The following OTOG variants were observed in gnomAD, a reference collection of about 807,000 sequenced individuals.
The protein encoded by OTOG is otogelin.
Under a neutral mutation model 313.8 loss-of-function variants are expected in OTOG, and 296 were observed. That is an observed-to-expected ratio of 0.94 (90% CI 0.86 to 1.04). The LOEUF (loss-of-function observed/expected upper bound fraction) is 1.04. OTOG is among the 50% of genes least tolerant of loss of function. The pLI is 0.00. For synonymous variants in OTOG, 1,533 were observed against 1,554.9 expected, an observed-to-expected ratio of 0.99 and a Z score of 0.33; for missense variants, 3,948 against 3,840.1, an observed-to-expected ratio of 1.03 and a Z score of -0.74.
rs1287477725 is a variant in OTOG, at chr11:17,612,189, C to T, written c.6151C>T (p.His2051Tyr). Residue 2051 changes from histidine (H) to tyrosine (Y), a missense_variant, in exon 37 of 56, where the codon CAC (histidine) becomes TAC (tyrosine). By Grantham distance (83) the His-to-Tyr change is moderately conservative (BLOSUM62 2). Coordinates refer to ENST00000399397, the MANE Select transcript of OTOG (RefSeq NM_001292063.2). ...VPIAEQDCVR[H>Y]ICLEGQLIRV... ...AATCGCCGAGCAGGACTGCGTCCGC[C>T]ACATCTGCCTGGAGGGCCAGCTGAT... is the stretch of plus-strand genomic sequence containing the variant. 2 of 1,550,004 alleles carry T rather than the reference C, an allele frequency of 1.3e-6. No homozygotes were observed. The highest frequency in any genetic ancestry group is 1.7e-6 in the Non-Finnish European group (2 of 1,146,990).
At position 17,559,115 on chromosome 11, in the gene OTOG, G is replaced by T. The variant is rs1269464578; in HGVS notation, c.1167G>T (p.Gln389His). ...CGGAGTATGCCCGGGCGTGTGCCCA[G>T]GCAGGGCGGCCCTTGCAAGGCTGGA... is the stretch of plus-strand genomic sequence containing the variant. ...ALAEYARACA[Q>H]AGRPLQGWRT... The change falls in exon 11 of 56, where the codon CAG becomes CAT. Residue 389 changes from glutamine to histidine, a missense_variant. Transcript: ENST00000399397. 2 of 1,543,912 alleles carry T rather than the reference G, an allele frequency of 1.3e-6. No homozygotes were observed. The highest frequency in any genetic ancestry group is 1.7e-6 in the Non-Finnish European group (2 of 1,146,958).
At chr11:17,605,153 G>A (rs991870017) in intron 32 of OTOG, among the ~76,000 whole-genome samples, 1 of 152,256 alleles carries the variant, frequency 6.6e-6, no homozygotes, top group Non-Finnish European at 1.5e-5. Context: ...GTGCCTGCTT[G>A]TGGATTTGGG....
rs866097502 is a variant in OTOG at position 17,611,244 on chromosome 11, C to A, written c.5944C>A (p.Leu1982Met). ...GGCCCCCCAAGACAGCATGCTGGTT[C>A]TGTTGCCTCAGCTGGCTGAGGCCCA... ...RTAPQDSMLV[L>M]LPQLAEAHGT... Residue 1982 changes from leucine to methionine, a missense_variant, in exon 36 of 56, where the codon CTG becomes ATG. By Grantham distance (15) the Leu-to-Met change is conservative. Transcript: ENST00000399397. 5.2e-6 allele frequency: 8 copies of A among 1,550,476 alleles called. No individual in the cohort carries two copies. In the African/African-American group the frequency reaches 1.1e-4, roughly 21 times the overall value.
intron 20 of OTOG, 21 bp from the exon 21 acceptor site, chr11:17,576,535 T>C: frequency 6.5e-7 from 1 of 1,545,192 alleles, no homozygotes; most frequent in African/African-American, 1.4e-5. Context: ...CTCACCTTTC[T>C]TTGCTCCCAT....
At chr11:17,558,980 G>A (rs1205712952) in intron 10 of OTOG, 72 bp from the exon 11 acceptor site, 8 of 1,223,272 alleles carry the variant, frequency 6.5e-6, no homozygotes, top group Non-Finnish European at 9.4e-6. Context: ...CCCTGGCAGT[G>A]TCTATGGGAT....
At chr11:17,631,639 G>A in intron 40 of OTOG, 63 bp from the exon 41 acceptor site, 1 of 1,333,272 alleles carries the variant, frequency 7.5e-7, no homozygotes. Flanking sequence ...CAAAAAGTGA[G>A]AGCTGACGAC....
At chr11:17,592,116 G>A (rs944766903) in intron 25 of OTOG, among the ~76,000 whole-genome samples, 3 of 152,082 alleles carry the variant, frequency 2.0e-5, no homozygotes, top group African/African-American at 4.8e-5. Context: ...TATAATTTTC[G>A]GCTCACCTGG....
At chr11:17,637,298 C>T (rs10832821) in intron 47 of OTOG, among the ~76,000 whole-genome samples, 20,418 of 152,100 alleles carry the variant, frequency 0.13, 1,526 homozygotes, top group Non-Finnish European at 0.18. Flanking sequence ...TTCAACTCAT[C>T]TCATGCCCAG....
chr11:17,631,959 C>CAAAG (rs1177401505), intron 41 of OTOG, 37 bp downstream of exon 41: 1 of 1,545,252 alleles, frequency 6.5e-7, no homozygotes. Context: ...GGGACACCTC[C>CAAAG]TGGGCTGGCT....
intron 19 of OTOG, 23 bp downstream of exon 19, chr11:17,573,313 G>T: frequency 6.7e-7 from 1 of 1,501,938 alleles, no homozygotes; most frequent in Non-Finnish European, 8.9e-7. Flanking sequence ...CCCATGTGAG[G>T]CTGAGCTGGA....
Position 17,642,203 on chromosome 11 carries a change from C to T in OTOG, c.8372C>T (p.Ser2791Phe), listed in dbSNP as rs1377828040. The T allele has an allele frequency of 1.3e-6, 2 of 1,550,134 alleles. No individual in the cohort carries two copies. The highest frequency in any genetic ancestry group is 1.2e-5 in the South Asian group (1 of 84,020). The stretch of plus-strand genomic sequence containing the variant: ...CCCCTGGGTGCCGTGCTGGTCCGCT[C>T]TCCCATAAGCTGCCCACCGCTCAAT... ...STPLGAVLVR[S>F]PISCPPLNET... is the part of the protein sequence containing the mutation. Residue 2791 changes from serine (S) to phenylalanine (F), a missense_variant, in exon 53 of 56, where the codon TCT becomes TTT. By Grantham distance (155) the Ser-to-Phe change is radical. Coordinates refer to ENST00000399397, the MANE Select transcript of OTOG (RefSeq NM_001292063.2).
chr11:17,595,907 G>A, intron 28 of OTOG, 131 bp from the exon 29 acceptor site: 1 of 682,722 alleles, frequency 1.5e-6, no homozygotes, highest in East Asian at 2.7e-5. Flanking sequence ...ACACTCAAGG[G>A]GAGGAGATTT....
intron 49 of OTOG, among the ~76,000 whole-genome samples, chr11:17,639,810 A>G (rs1177354904): frequency 6.6e-6 from 1 of 151,144 alleles, no homozygotes; most frequent in African/African-American, 2.4e-5. Context: ...TAATAATGCA[A>G]TGATGGTGGT....
intron 23 of OTOG, among the ~76,000 whole-genome samples, chr11:17,584,481 A>G (rs1852747516): frequency 6.6e-6 from 1 of 151,480 alleles, no homozygotes; most frequent in South Asian, 2.1e-4. Context: ...TTTTATTTCT[A>G]TTATGCTGCA....
At chr11:17,552,144 A>C in intron 4 of OTOG, 69 bp downstream of exon 4, 1 of 1,466,738 alleles carries the variant, frequency 6.8e-7, no homozygotes, top group South Asian at 1.2e-5. Context: ...CTGAAAGGGC[A>C]GAGGGCAGGT....
chr11:17,555,206 GAT>G lies in OTOG; in HGVS notation c.541-572_541-571del, dbSNP rs1491406915. Among the ~76,000 whole-genome samples, 439 of 98,502 alleles carry G rather than the reference GAT, an allele frequency of 4.5e-3. 2 individuals carry two copies. The highest frequency in any genetic ancestry group is 6.4e-3 in the African/African-American group (116 of 18,172). The allele number at this position is 98,502 out of a possible 152,430, so 64.6% of individuals were successfully genotyped here. ...GTTCTGTCTGAATGGCGGGGGCAGA[GAT>G]GTGTGTGTGTGTGTGTGTGTGTGTG... On this transcript the variant is annotated intron_variant, in intron 6 of 55. Coordinates refer to ENST00000399397, the MANE Select transcript of OTOG (RefSeq NM_001292063.2).
At chr11:17,638,875 A>G (rs1847909502) in intron 48 of OTOG, 1 of 1,061,042 alleles carries the variant, frequency 9.4e-7, no homozygotes, top group African/African-American at 1.6e-5. Context: ...AGGCGGGTGG[A>G]TCATGAGGTC....
chr11:17,644,045 T>A (rs1317148089), intron 54 of OTOG, among the ~76,000 whole-genome samples: 1 of 152,242 alleles, frequency 6.6e-6, no homozygotes, highest in African/African-American at 2.4e-5. Flanking sequence ...ATGTCCCTTC[T>A]GCTAGATGGC....
Position 17,610,766 on chromosome 11 carries a change from C to G in OTOG, c.5466C>G (p.Pro1822=). 6.5e-7 allele frequency: 1 copy of G among 1,550,058 alleles called. No homozygotes were observed. The highest frequency in any genetic ancestry group is 8.7e-7 in the Non-Finnish European group (1 of 1,146,996). The part of the protein sequence containing the change: ...KVGTSAPVAT[P]GPKASVITTP... ...GCACATCTGCCCCAGTGGCCACACC[C>G]GGCCCCAAAGCCTCTGTCATCACCA... is the stretch of plus-strand genomic sequence containing the variant. Residue 1822 remains proline (P), a synonymous_variant, in exon 36 of 56, where the codon CCC becomes CCG. Coordinates refer to ENST00000399397, the MANE Select transcript of OTOG (RefSeq NM_001292063.2).
Sources: allele counts gnomAD v4.1 joint callset (sites outside exome capture counted in the v4.1 genomes callset), GRCh38; gene constraint gnomAD v4.1.1; transcripts MANE v1.5; gene names NCBI Gene and HGNC (gene_info 2026-07-23, HGNC 2026-07-21).